IQCH: variants seen among roughly 807,000 people sequenced by gnomAD.
IQCH encodes the protein IQ motif containing H.
In IQCH, 98 loss-of-function variants were observed where a neutral mutation model predicts 117.0. The ratio of observed to expected loss-of-function variants is 0.84; its 90% CI spans 0.71 to 0.99. IQCH has a LOEUF of 0.99. Ranked by LOEUF, IQCH falls within the 50% of genes least tolerant of loss-of-function variation. The pLI is 0.00. For missense variants in IQCH, 1,102 were observed against 1,243.8 expected (o/e 0.89, Z 1.72); for synonymous variants, 412 against 448.2 (o/e 0.92, Z 1.02).
In IQCH at chr15:67,365,469, C is replaced by A. The variant is rs369387232; in HGVS notation, c.753+5584C>A. On this transcript the variant is annotated intron_variant, in intron 8 of 20. Transcript: ENST00000335894. The surrounding 1 kb of genome is among the most constrained non-coding windows in gnomAD (Gnocchi z 4.4). ...AATCCTTTTTGACCTTTACCGTGTGCCAGGCAGTGTACTAGATAGGCACTG... is the reference window on the plus strand; with the variant it reads ...AATCCTTTTTGACCTTTACCGTGTGACAGGCAGTGTACTAGATAGGCACTG... Among the ~76,000 whole-genome samples, 5 of 152,212 alleles carry A rather than the reference C, an allele frequency of 3.3e-5. No homozygotes were observed. The highest frequency in any genetic ancestry group is 6.5e-5 in the Admixed American group (1 of 15,298).
intron 16 of IQCH, among the ~76,000 whole-genome samples, chr15:67,429,322 T>G (rs1289876570): frequency 6.6e-6 from 1 of 152,152 alleles, no homozygotes; most frequent in Non-Finnish European, 1.5e-5. Flanking sequence ...GAGATCAGCA[T>G]AGGCAACATA....
chr15:67,475,256 C>T lies in IQCH; in HGVS notation c.2677-440C>T, dbSNP rs113086041. Among the ~76,000 whole-genome samples, 31 of 152,250 alleles carry T rather than the reference C, an allele frequency of 2.0e-4. 1 individual carries two copies. The highest frequency in any genetic ancestry group is 4.1e-4 in the South Asian group (2 of 4,820). Reference sequence around the variant, plus strand: ...TTTTGGGAGGCCGAGGCTGGCAGATCGCTTGAGCTAGGAGTTCAAGACCAG... The same window carrying T: ...TTTTGGGAGGCCGAGGCTGGCAGATTGCTTGAGCTAGGAGTTCAAGACCAG... On this transcript the variant is annotated intron_variant, in intron 17 of 20. Transcript: ENST00000335894. This position sits in a 1 kb window ranked among gnomAD's most constrained non-coding sequence, Gnocchi z 5.7.
chr15:67,283,881 TATTTATTTC>T (rs1966461907), intron 4 of IQCH, among the ~76,000 whole-genome samples: 1 of 152,196 alleles, frequency 6.6e-6, no homozygotes, highest in Non-Finnish European at 1.5e-5. Context: ...TTCAAATTTT[TATTTATTTC>T]ATTTATTTTA....
chr15:67,482,830 T>A (rs1259493474), intron 18 of IQCH, among the ~76,000 whole-genome samples: 1 of 152,132 alleles, frequency 6.6e-6, no homozygotes, highest in African/African-American at 2.4e-5. Flanking sequence ...GAGTAACACA[T>A]GAGCATATTG....
At chr15:67,260,246 T>G (rs1297386686) in intron 1 of IQCH, among the ~76,000 whole-genome samples, 2 of 152,212 alleles carry the variant, frequency 1.3e-5, no homozygotes, top group African/African-American at 4.8e-5. Flanking sequence ...GAAGTTTGGT[T>G]TCTAATATGA....
chr15:67,452,895 C>G (rs989469643), intron 16 of IQCH, among the ~76,000 whole-genome samples: 2 of 152,174 alleles, frequency 1.3e-5, no homozygotes, highest in African/African-American at 4.8e-5. Context: ...TTCACATAGT[C>G]CCATATTTTT....
At chr15:67,354,850 C>T (rs918675286) in intron 6 of IQCH, among the ~76,000 whole-genome samples, 1 of 152,184 alleles carries the variant, frequency 6.6e-6, no homozygotes, top group African/African-American at 2.4e-5. Flanking sequence ...AATCTTCATG[C>T]TTGCCACCTC....
chr15:67,313,524 A>G (rs1234038194), intron 4 of IQCH, among the ~76,000 whole-genome samples: 1 of 152,166 alleles, frequency 6.6e-6, no homozygotes, highest in East Asian at 1.9e-4. Context: ...TAGGCCTTAG[A>G]GGAACTGATG....
intron 16 of IQCH, among the ~76,000 whole-genome samples, chr15:67,423,131 G>C (rs1296918601): frequency 6.6e-6 from 1 of 152,192 alleles, no homozygotes; most frequent in East Asian, 1.9e-4. Context: ...ACATTGAGAG[G>C]GAAAAGAACA....
chr15:67,255,826 C>T (rs1468891666), intron 1 of IQCH, among the ~76,000 whole-genome samples: 2 of 152,182 alleles, frequency 1.3e-5, no homozygotes, highest in Non-Finnish European at 2.9e-5. Context: ...TTCCCAAATA[C>T]AAGCCCCTGA....
chr15:67,375,134 T>G (rs1249473723), intron 10 of IQCH, among the ~76,000 whole-genome samples: 1 of 152,112 alleles, frequency 6.6e-6, no homozygotes, highest in Non-Finnish European at 1.5e-5. Flanking sequence ...AAAATTTGAG[T>G]GAAAGTGTCT....
intron 1 of IQCH, among the ~76,000 whole-genome samples, chr15:67,258,155 C>T (rs1431740163): frequency 6.6e-6 from 1 of 151,400 alleles, no homozygotes; most frequent in East Asian, 1.9e-4. Flanking sequence ...TTACTTGAAC[C>T]TGGGAGGTGG....
At chr15:67,264,210 A>G (rs1438470309) in intron 3 of IQCH, among the ~76,000 whole-genome samples, 1 of 152,246 alleles carries the variant, frequency 6.6e-6, no homozygotes, top group Non-Finnish European at 1.5e-5. Flanking sequence ...ACCTCCTTGC[A>G]GACATAAACA....
At chr15:67,272,698 A>C (rs1965950762) in intron 3 of IQCH, among the ~76,000 whole-genome samples, 1 of 152,126 alleles carries the variant, frequency 6.6e-6, no homozygotes, top group Admixed American at 6.5e-5. Flanking sequence ...GACTCTTTTT[A>C]CAGTCTTTGA....
chr15:67,380,138 C>T (rs1970876695), intron 10 of IQCH, among the ~76,000 whole-genome samples: 1 of 152,208 alleles, frequency 6.6e-6, no homozygotes, highest in South Asian at 2.1e-4. Flanking sequence ...AGGTGTGAGC[C>T]ACTGTGCCCA....
At chr15:67,344,431 C>T (rs1315550650) in intron 6 of IQCH, among the ~76,000 whole-genome samples, 1 of 152,108 alleles carries the variant, frequency 6.6e-6, no homozygotes, top group East Asian at 1.9e-4. Context: ...TTTTAACCTC[C>T]TTAACCAACT....
chr15:67,395,552 A>G lies in IQCH; in HGVS notation c.1894A>G (p.Ser632Gly), dbSNP rs1415046672. ...TCCTCCTGGAATATATGATATTTAT[A>G]GTCAGCAACAGGTATGTGGGGTGGA... Reference protein sequence around the residue: ...AVPPGIYDIYSQQQMIEQLSQ... With the variant: ...AVPPGIYDIYGQQQMIEQLSQ... The change falls in exon 13 of 21, where the codon AGT becomes GGT. Residue 632 changes from serine to glycine, a missense_variant. By Grantham distance (56) the Ser-to-Gly change is moderately conservative (BLOSUM62 0). Coordinates refer to ENST00000335894, the MANE Select transcript of IQCH (RefSeq NM_001031715.3). The surrounding 1 kb of genome is among the most constrained non-coding windows in gnomAD (Gnocchi z 4.0). 1 of 1,613,922 alleles carries G rather than the reference A, an allele frequency of 6.2e-7. No homozygotes were observed. Among genetic ancestry groups the G allele is most frequent in the South Asian group, 1.1e-5 (1 of 91,068 alleles).
rs1324841161 is a variant in IQCH at position 67,456,395 on chromosome 15, C to T, written c.2506-8732C>T. 6.6e-6 allele frequency among the ~76,000 whole-genome samples: 1 copy of T among 152,030 alleles called. No homozygotes were observed. Among genetic ancestry groups the T allele is most frequent in the East Asian group, 1.9e-4 (1 of 5,194 alleles). ...CTTGGGCTTTGATTCTAGTTCCTCCCCTAAATGTGGGACCTGAGAAGTCAT... is the reference window on the plus strand; with the variant it reads ...CTTGGGCTTTGATTCTAGTTCCTCCTCTAAATGTGGGACCTGAGAAGTCAT... On this transcript the variant is annotated intron_variant, in intron 16 of 20. Coordinates refer to ENST00000335894, the MANE Select transcript of IQCH (RefSeq NM_001031715.3). This position sits in a 1 kb window ranked among gnomAD's most constrained non-coding sequence, Gnocchi z 5.1.
At chr15:67,314,945 G>A (rs1292196216) in intron 4 of IQCH, among the ~76,000 whole-genome samples, 2 of 152,166 alleles carry the variant, frequency 1.3e-5, no homozygotes, top group Non-Finnish European at 2.9e-5. Context: ...TATGGTTTTA[G>A]GTATGATAAT....
Sources: allele counts gnomAD v4.1 joint callset (sites outside exome capture counted in the v4.1 genomes callset), GRCh38; gene constraint gnomAD v4.1.1; non-coding constraint Gnocchi (gnomAD v3.1); transcripts MANE v1.5; gene names NCBI Gene and HGNC (gene_info 2026-07-23, HGNC 2026-07-21).